The following ZSCAN25 variants were observed in gnomAD, a reference collection of about 807,000 sequenced individuals.
ZSCAN25 encodes zinc finger and SCAN domain containing 25, also known as zinc finger and SCAN domain-containing protein 25.
ZSCAN25 carries 27 observed loss-of-function variants against 38.7 expected under a neutral mutation model. The observed-to-expected ratio is 0.70, with a 90% confidence interval of 0.51 to 0.96. The LOEUF (loss-of-function observed/expected upper bound fraction) is 0.96. Among genes scored for constraint, ZSCAN25 ranks in the 40% least tolerant of loss-of-function variants. ZSCAN25 has a pLI of 0.00. For missense variants in ZSCAN25, 637 were observed against 705.9 expected (o/e 0.90, Z 1.11); for synonymous variants, 273 against 277.7 (o/e 0.98, Z 0.17).
At chr7:99,731,285 C>G in the ZSCAN25 span, 1 of 980,472 alleles carries the variant, frequency 1.0e-6, no homozygotes, top group Non-Finnish European at 1.5e-6. Flanking sequence ...ATAACAGTAA[C>G]TCTGACGGCA....
chr7:99,657,168 T>C, the ZSCAN25 span, among the ~76,000 whole-genome samples: 1 of 152,236 alleles, frequency 6.6e-6, no homozygotes, highest in African/African-American at 2.4e-5. Context: ...CTTTTCATTG[T>C]GATGTTAGGG....
At chr7:99,657,060 G>GT in the ZSCAN25 span, among the ~76,000 whole-genome samples, 2 of 151,922 alleles carry the variant, frequency 1.3e-5, no homozygotes, top group African/African-American at 4.8e-5. Context: ...TTTTTGAAGG[G>GT]TTTTTTTGTG....
chr7:99,662,755 A>C, the ZSCAN25 span: 1 of 1,481,594 alleles, frequency 6.7e-7, no homozygotes, highest in South Asian at 1.1e-5. The surrounding 1 kb of genome is among the most constrained non-coding windows in gnomAD (Gnocchi z 4.3). Context: ...GCACATTTTC[A>C]GAACAAGGCC....
At chr7:99,668,702 G>A in the ZSCAN25 span, among the ~76,000 whole-genome samples, 4 of 152,210 alleles carry the variant, frequency 2.6e-5, no homozygotes, top group South Asian at 4.1e-4. Flanking sequence ...GCAGTGCCAC[G>A]TGAAGTGAAT....
At chr7:99,660,808 T>C in the ZSCAN25 span, 2 of 930,624 alleles carry the variant, frequency 2.1e-6, no homozygotes, top group East Asian at 2.8e-5. Flanking sequence ...CATTCTGATA[T>C]GTATCTTATA....
At chr7:99,632,999 T>TTTTTTTTTTTTTG, downstream of ZSCAN25, among the ~76,000 whole-genome samples, 1 of 150,884 alleles carries the variant, frequency 6.6e-6, no homozygotes, top group African/African-American at 2.4e-5. Context: ...GTTTTTTTTT[T>TTTTTTTTTTTTTG]TTTTGAGCTG....
At chr7:99,660,672 G>C in the ZSCAN25 span, 17 of 1,613,272 alleles carry the variant, frequency 1.1e-5, no homozygotes, top group Non-Finnish European at 1.4e-5. Flanking sequence ...GAAAGGAGAG[G>C]AAAGACATTT....
downstream of ZSCAN25, among the ~76,000 whole-genome samples, chr7:99,634,681 T>C (rs1808197769): frequency 6.6e-6 from 1 of 152,100 alleles, no homozygotes; most frequent in South Asian, 2.1e-4. Context: ...CCTGTAGTCC[T>C]AGCTACTTGG....
chr7:99,697,516 C>T, the ZSCAN25 span, among the ~76,000 whole-genome samples: 1 of 152,184 alleles, frequency 6.6e-6, no homozygotes, highest in East Asian at 1.9e-4. Context: ...AGCTGAAAGA[C>T]AGGCACCTTC....
At chr7:99,699,629 C>T in the ZSCAN25 span, among the ~76,000 whole-genome samples, 6 of 152,264 alleles carry the variant, frequency 3.9e-5, no homozygotes, top group South Asian at 4.2e-4. Context: ...TCACACTTCT[C>T]GTCTTGTTCA....
Position 99,619,645 on chromosome 7 carries a change from G to A in ZSCAN25, c.39G>A (p.Gln13=), listed in dbSNP as rs766692608. 2 of 1,614,196 alleles carry A rather than the reference G, an allele frequency of 1.2e-6. No homozygotes were observed. The highest frequency in any genetic ancestry group is 1.7e-6 in the Non-Finnish European group (2 of 1,180,008). ...ATCCAGAGATGGCGGAAGCTCCTCAGCAGCAGTTGGGTATTCCTGTGGTGA... is the reference window on the plus strand; with the variant it reads ...ATCCAGAGATGGCGGAAGCTCCTCAACAGCAGTTGGGTATTCCTGTGGTGA... ...KEHPEMAEAP[Q]QQLGIPVVKL... is the part of the protein sequence containing the mutation. The change falls in exon 4 of 8, where the codon CAG becomes CAA. Residue 13 remains glutamine (Q), a synonymous_variant. Transcript: ENST00000394152.
Position 99,632,008 on chromosome 7 carries a change from G to GT in ZSCAN25, c.*1989dup. The GT allele has an allele frequency of 1.0e-6, 1 of 985,512 alleles. No homozygotes were observed. The allele number at this position is 985,512 out of a possible 1,614,324, so 61.0% of individuals were successfully genotyped here. On this transcript the variant is annotated 3_prime_UTR_variant, in exon 8 of 8. Coordinates refer to ENST00000394152, the MANE Select transcript of ZSCAN25 (RefSeq NM_145115.3). ...CCAGAGGGTGGTTTTCCAAAGGCAG[G>GT]TGGGGACTGGGGAGGCCTCGGGGGG... is the stretch of plus-strand genomic sequence containing the variant.
intron 7 of ZSCAN25, among the ~76,000 whole-genome samples, chr7:99,627,866 A>C (rs911035418): frequency 6.6e-6 from 1 of 152,074 alleles, no homozygotes; most frequent in African/African-American, 2.4e-5. Context: ...TATGCAGGGT[A>C]TAGTGATGGA....
the ZSCAN25 span, chr7:99,671,685 A>G: frequency 1.1e-5 from 7 of 617,670 alleles, no homozygotes; most frequent in Non-Finnish European, 2.0e-5. Flanking sequence ...GGATTTTCAG[A>G]CTTAACACCA....
At chr7:99,728,790 T>C in the ZSCAN25 span, among the ~76,000 whole-genome samples, 1 of 152,212 alleles carries the variant, frequency 6.6e-6, no homozygotes, top group Non-Finnish European at 1.5e-5. Context: ...ACTATTGCCC[T>C]TGGAGCTGGA....
the ZSCAN25 span, among the ~76,000 whole-genome samples, chr7:99,682,254 G>A: frequency 6.6e-6 from 1 of 152,208 alleles, no homozygotes. Flanking sequence ...ACAGGCATGA[G>A]CCACGGCACT....
intron 1 of ZSCAN25, among the ~76,000 whole-genome samples, chr7:99,617,948 G>A (rs930146224): frequency 1.3e-5 from 2 of 152,216 alleles, no homozygotes; most frequent in African/African-American, 4.8e-5. Flanking sequence ...AGCTAGAAAG[G>A]AATGAAAGAG....
chr7:99,659,088 A>T, the ZSCAN25 span: 1 of 152,194 alleles, frequency 6.6e-6, no homozygotes, highest in Non-Finnish European at 1.5e-5. Flanking sequence ...AACTCGTCAA[A>T]GTCATTCTCC....
chr7:99,653,873 C>T, the ZSCAN25 span, among the ~76,000 whole-genome samples: 1 of 152,192 alleles, frequency 6.6e-6, no homozygotes, highest in Admixed American at 6.5e-5. The surrounding 1 kb of genome is among the most constrained non-coding windows in gnomAD (Gnocchi z 4.2). Context: ...GTCAGATACC[C>T]TGGTTCCTAG....
Sources: allele counts gnomAD v4.1 joint callset (sites outside exome capture counted in the v4.1 genomes callset), GRCh38; gene constraint gnomAD v4.1.1; non-coding constraint Gnocchi (gnomAD v3.1); transcripts MANE v1.5; gene names NCBI Gene and HGNC (gene_info 2026-07-23, HGNC 2026-07-21).